Variants in PDZD2 observed in about 807,000 individuals in gnomAD.
The protein encoded by PDZD2 is PDZ domain containing 2, also known as PDZ domain-containing protein 2.
PDZD2 carries 90 observed loss-of-function variants against 220.7 expected under a neutral mutation model. That is an observed-to-expected ratio of 0.41 (90% CI 0.34 to 0.49). The LOEUF (loss-of-function observed/expected upper bound fraction) is 0.49. Among genes scored for constraint, PDZD2 ranks in the 20% least tolerant of loss-of-function variants. The pLI, the probability that PDZD2 is intolerant of heterozygous loss-of-function variation, is 0.28. For missense variants in PDZD2, 3,174 were observed against 3,608.5 expected (o/e 0.88, Z 3.08); for synonymous variants, 1,375 against 1,450.5 (o/e 0.95, Z 1.18).
At chr5:32,068,624 G>T (rs1740438136) in intron 14 of PDZD2, among the ~76,000 whole-genome samples, 1 of 152,170 alleles carries the variant, frequency 6.6e-6, no homozygotes, top group Non-Finnish European at 1.5e-5. Context: ...TATTAGAAAA[G>T]TACTGTCAGT....
At chr5:31,947,281 G>A (rs140401172) in intron 2 of PDZD2, among the ~76,000 whole-genome samples, 119 of 152,306 alleles carry the variant, frequency 7.8e-4, no homozygotes, top group African/African-American at 2.8e-3. Context: ...GGGCTGTCGC[G>A]TTAGAATGGC....
intron 2 of PDZD2, among the ~76,000 whole-genome samples, chr5:31,967,963 T>G (rs1312356012): frequency 2.0e-5 from 3 of 152,228 alleles, no homozygotes; most frequent in Non-Finnish European, 2.9e-5. Flanking sequence ...TTGATATGAT[T>G]GCATGGTAAC....
At chr5:31,876,158 G>C (rs1739277928) in intron 2 of PDZD2, among the ~76,000 whole-genome samples, 1 of 151,876 alleles carries the variant, frequency 6.6e-6, no homozygotes, top group African/African-American at 2.4e-5. Context: ...TCTTATTAAA[G>C]TTTCTTTTAG....
At chr5:32,085,335 A>G (rs1349234453) in intron 19 of PDZD2, among the ~76,000 whole-genome samples, 1 of 150,068 alleles carries the variant, frequency 6.7e-6, no homozygotes, top group Non-Finnish European at 1.5e-5. Context: ...TACATTGTGC[A>G]ATGATTAAAT....
intron 7 of PDZD2, among the ~76,000 whole-genome samples, chr5:32,038,943 T>A (rs1229126959): frequency 1.3e-5 from 2 of 152,222 alleles, no homozygotes; most frequent in Non-Finnish European, 2.9e-5. Context: ...TTTAGCACAA[T>A]GTGTAGTACG....
chr5:32,090,158 G>A lies in PDZD2; in HGVS notation c.6710G>A (p.Gly2237Asp), dbSNP rs1448477755. Reference protein sequence around the residue: ...AQFSSHFGREGHPPHSLGRSR... With the variant: ...AQFSSHFGREDHPPHSLGRSR... ...TTCTCAAGCCATTTTGGACGGGAGG[G>A]TCACCCCCCACACAGCCTGGGTCGC... Residue 2237 changes from glycine to aspartate, a missense_variant, in exon 20 of 25, where the codon GGT becomes GAT. Around this residue, in one of 4 missense-constraint regions of PDZD2, gnomAD observed 631 missense variants for 789.9 expected, o/e 0.80. Coordinates refer to ENST00000438447, the MANE Select transcript of PDZD2 (RefSeq NM_178140.4). This position sits in a 1 kb window ranked among gnomAD's most constrained non-coding sequence, Gnocchi z 4.3. The A allele has an allele frequency of 6.2e-7, 1 of 1,613,914 alleles. No homozygotes were observed. Among genetic ancestry groups the A allele is most frequent in the Non-Finnish European group, 8.5e-7 (1 of 1,180,018 alleles).
intron 3 of PDZD2, 35 bp from the exon 4 acceptor site, chr5:31,995,541 A>G (rs772689901): frequency 4.3e-6 from 7 of 1,613,298 alleles, no homozygotes; most frequent in Non-Finnish European, 5.9e-6. Context: ...GTGTCTGTCA[A>G]CCTCCTTCAT....
chr5:31,817,010 C>T (rs561366070), intron 2 of PDZD2, among the ~76,000 whole-genome samples: 2 of 151,900 alleles, frequency 1.3e-5, no homozygotes, highest in South Asian at 2.1e-4. Context: ...GGTGAAACCC[C>T]GTGTCTACTA....
At chr5:31,884,604 T>G (rs142754309) in intron 2 of PDZD2, among the ~76,000 whole-genome samples, 141 of 152,236 alleles carry the variant, frequency 9.3e-4, no homozygotes, top group African/African-American at 3.2e-3. Flanking sequence ...TTTTTTTTGT[T>G]TTGAAGCAGA....
chr5:31,924,088 A>G (rs548063580), intron 2 of PDZD2, among the ~76,000 whole-genome samples: 43 of 152,304 alleles, frequency 2.8e-4, no homozygotes, highest in African/African-American at 8.9e-4. Flanking sequence ...CAGTAAAGAT[A>G]AAATACAAAG....
chr5:32,010,127 A>G (rs1461257215), intron 5 of PDZD2, among the ~76,000 whole-genome samples: 1 of 152,028 alleles, frequency 6.6e-6, no homozygotes, highest in East Asian at 1.9e-4. Context: ...TAAGAATCAT[A>G]CATTCTCTGT....
chr5:31,995,775 C>G, intron 4 of PDZD2, 57 bp downstream of exon 4: 2 of 1,485,046 alleles, frequency 1.3e-6, no homozygotes, highest in Non-Finnish European at 1.9e-6. Context: ...CTTCCCTCTC[C>G]CTCCCCACTG....
chr5:32,003,420 ACCC>A (rs148091252), intron 5 of PDZD2, among the ~76,000 whole-genome samples: 3 of 50,294 alleles, frequency 6.0e-5, no homozygotes. Flanking sequence ...CCACACACAC[ACCC>A]CCCCCACACA....
At chr5:31,801,456 G>A (rs1263443286) in intron 2 of PDZD2, among the ~76,000 whole-genome samples, 1 of 152,184 alleles carries the variant, frequency 6.6e-6, no homozygotes, top group Admixed American at 6.5e-5. Flanking sequence ...TAGAAGTGGG[G>A]ATTGCCATGG....
chr5:31,649,082 C>T (rs1339646657), intron 1 of PDZD2, among the ~76,000 whole-genome samples: 4 of 151,984 alleles, frequency 2.6e-5, no homozygotes, highest in African/African-American at 9.7e-5. Flanking sequence ...CTCACTGTGT[C>T]GTGCAGGCTG....
chr5:31,876,089 G>C (rs1255486712), intron 2 of PDZD2, among the ~76,000 whole-genome samples: 4 of 151,878 alleles, frequency 2.6e-5, no homozygotes, highest in African/African-American at 9.7e-5. Flanking sequence ...CCATAAATAA[G>C]GTTTATCACT....
intron 1 of PDZD2, among the ~76,000 whole-genome samples, chr5:31,695,701 T>C (rs1747350359): frequency 6.6e-6 from 1 of 152,222 alleles, no homozygotes; most frequent in South Asian, 2.1e-4. Flanking sequence ...CGCTGCACCA[T>C]GAACCCCCAG....
intron 2 of PDZD2, among the ~76,000 whole-genome samples, chr5:31,861,813 C>T (rs900116312): frequency 5.9e-5 from 9 of 152,126 alleles, no homozygotes; most frequent in South Asian, 2.1e-4. Flanking sequence ...AAACAAGCTC[C>T]GGAAGTGCTT....
At chr5:31,960,790 G>A (rs951743026) in intron 2 of PDZD2, among the ~76,000 whole-genome samples, 3 of 151,804 alleles carry the variant, frequency 2.0e-5, no homozygotes, top group Admixed American at 1.3e-4. Flanking sequence ...TTTCATTTAC[G>A]TAATGTAAAT....
Sources: allele counts gnomAD v4.1 joint callset (sites outside exome capture counted in the v4.1 genomes callset), GRCh38; gene constraint gnomAD v4.1.1; regional missense constraint gnomAD v4.1.1; non-coding constraint Gnocchi (gnomAD v3.1); transcripts MANE v1.5; gene names NCBI Gene and HGNC (gene_info 2026-07-23, HGNC 2026-07-21).